The following MAF variants were observed in gnomAD, a reference collection of about 807,000 sequenced individuals.
MAF encodes transcription factor Maf.
In MAF, 10 loss-of-function variants were observed where a neutral mutation model predicts 22.0. The observed-to-expected ratio is 0.45, with a 90% confidence interval of 0.28 to 0.77. The LOEUF (loss-of-function observed/expected upper bound fraction) is 0.77. Ranked by LOEUF, MAF falls within the 30% of genes least tolerant of loss-of-function variation. The probability of loss-of-function intolerance (pLI) is 0.12; values close to 1 mark genes in which losing one functional copy is unlikely to be tolerated. For missense variants in MAF, 544 were observed against 548.4 expected (o/e 0.99, Z 0.08); for synonymous variants, 337 against 255.8 (o/e 1.32, Z -3.03).
the MAF span, among the ~76,000 whole-genome samples, chr16:79,399,065 G>A: frequency 6.6e-6 from 1 of 152,186 alleles, no homozygotes; most frequent in Non-Finnish European, 1.5e-5. Flanking sequence ...TCAGTAGACA[G>A]ACAAGGACTG....
the MAF span, among the ~76,000 whole-genome samples, chr16:79,555,390 C>T: frequency 6.6e-6 from 1 of 152,180 alleles, no homozygotes; most frequent in African/African-American, 2.4e-5. Flanking sequence ...TCCCTTCTCA[C>T]CTCTGAGCCA....
At chr16:79,503,713 T>C in the MAF span, among the ~76,000 whole-genome samples, 4 of 152,322 alleles carry the variant, frequency 2.6e-5, no homozygotes, top group East Asian at 1.9e-4. Flanking sequence ...CCTTTTTACT[T>C]TGGTCACCAG....
chr16:79,240,487 G>GAAAAAAAAAAAA, the MAF span, among the ~76,000 whole-genome samples: 2 of 60,736 alleles, frequency 3.3e-5, no homozygotes, highest in African/African-American at 6.5e-5. Flanking sequence ...AGCATCTCTG[G>GAAAAAAAAAAAA]AAAAAAAAAA....
the MAF span, among the ~76,000 whole-genome samples, chr16:79,244,833 G>T: frequency 6.6e-6 from 1 of 152,070 alleles, no homozygotes; most frequent in Non-Finnish European, 1.5e-5. Context: ...CATGGCTACA[G>T]TAACAAAACA....
At chr16:79,544,565 G>T in the MAF span, among the ~76,000 whole-genome samples, 1 of 152,070 alleles carries the variant, frequency 6.6e-6, no homozygotes, top group African/African-American at 2.4e-5. Flanking sequence ...ACAAGGTCAG[G>T]AGATCGAGAC....
the MAF span, among the ~76,000 whole-genome samples, chr16:79,292,129 G>C: frequency 6.6e-6 from 1 of 152,052 alleles, no homozygotes; most frequent in Non-Finnish European, 1.5e-5. Context: ...GAATATTGTG[G>C]GTTGAATCGC....
chr16:79,242,632 T>C, the MAF span, among the ~76,000 whole-genome samples: 3 of 152,066 alleles, frequency 2.0e-5, no homozygotes, highest in Non-Finnish European at 1.5e-5. Context: ...ACTGTCAATA[T>C]GAGACAGATC....
the MAF span, among the ~76,000 whole-genome samples, chr16:79,266,868 T>C: frequency 1.3e-5 from 2 of 152,130 alleles, no homozygotes; most frequent in African/African-American, 2.4e-5. Context: ...GAAGAGGAGA[T>C]GAGGAGATAG....
At chr16:79,336,906 G>A in the MAF span, among the ~76,000 whole-genome samples, 1 of 152,298 alleles carries the variant, frequency 6.6e-6, no homozygotes, top group East Asian at 1.9e-4. Context: ...TTTATTGAGT[G>A]CCTGGGGTGT....
the MAF span, among the ~76,000 whole-genome samples, chr16:79,417,027 G>A: frequency 6.6e-6 from 1 of 152,284 alleles, no homozygotes; most frequent in East Asian, 1.9e-4. Flanking sequence ...TTTCCACAAT[G>A]CCAGAATTCC....
At chr16:79,505,223 A>C in the MAF span, among the ~76,000 whole-genome samples, 4 of 152,172 alleles carry the variant, frequency 2.6e-5, no homozygotes, top group African/African-American at 9.7e-5. Context: ...TTCTTTTCTG[A>C]AAAACAGCCA....
At chr16:79,528,605 C>G in the MAF span, among the ~76,000 whole-genome samples, 1 of 150,904 alleles carries the variant, frequency 6.6e-6, no homozygotes, top group African/African-American at 2.4e-5. Flanking sequence ...AACCCATTCT[C>G]TTAATAAAAC....
chr16:79,453,238 G>T, the MAF span, among the ~76,000 whole-genome samples: 1 of 152,004 alleles, frequency 6.6e-6, no homozygotes, highest in Non-Finnish European at 1.5e-5. Flanking sequence ...AGCAATAATG[G>T]TGTCCTTAGG....
At chr16:79,475,001 A>G in the MAF span, among the ~76,000 whole-genome samples, 4 of 152,226 alleles carry the variant, frequency 2.6e-5, no homozygotes, top group African/African-American at 9.6e-5. Flanking sequence ...CTGGTAGCAG[A>G]AGATGTTCAT....
chr16:79,319,056 C>G, the MAF span, among the ~76,000 whole-genome samples: 1 of 146,598 alleles, frequency 6.8e-6, no homozygotes, highest in Non-Finnish European at 1.5e-5. Flanking sequence ...TGATGAATCA[C>G]AGATTTTTTT....
the MAF span, among the ~76,000 whole-genome samples, chr16:79,278,521 C>G: frequency 1.3e-5 from 2 of 152,208 alleles, no homozygotes; most frequent in Admixed American, 6.5e-5. Context: ...CATTTTCTCT[C>G]TTGTGTACAG....
At chr16:79,441,501 G>T in the MAF span, among the ~76,000 whole-genome samples, 1 of 152,188 alleles carries the variant, frequency 6.6e-6, no homozygotes, top group Non-Finnish European at 1.5e-5. Context: ...AATACATGGG[G>T]TGGCTGTATT....
At chr16:79,311,635 C>T in the MAF span, among the ~76,000 whole-genome samples, 6 of 152,104 alleles carry the variant, frequency 3.9e-5, no homozygotes, top group African/African-American at 1.4e-4. Context: ...GGACTCAAAG[C>T]GCCTCTTTCT....
At chr16:79,264,232 G>C in the MAF span, among the ~76,000 whole-genome samples, 1 of 152,148 alleles carries the variant, frequency 6.6e-6, no homozygotes. Context: ...GGCAAAAATA[G>C]AGAAACCTTA....
Sources: allele counts gnomAD v4.1 joint callset (sites outside exome capture counted in the v4.1 genomes callset), GRCh38; gene constraint gnomAD v4.1.1; transcripts MANE v1.5; gene names NCBI Gene and HGNC (gene_info 2026-07-23, HGNC 2026-07-21).